Variants in GKAP1 observed in about 807,000 individuals in gnomAD.
GKAP1 encodes G kinase-anchoring protein 1.
A neutral mutation model predicts 56.7 loss-of-function variants in GKAP1; 31 were observed. That is an observed-to-expected ratio of 0.55 (90% CI 0.41 to 0.74). The LOEUF is 0.74. Among genes scored for constraint, GKAP1 ranks in the 30% least tolerant of loss-of-function variants. The probability of loss-of-function intolerance (pLI) is 0.00; values close to 1 mark genes in which losing one functional copy is unlikely to be tolerated. For missense variants in GKAP1, 364 were observed against 402.3 expected, an observed-to-expected ratio of 0.90 and a Z score of 0.82; for synonymous variants, 151 against 138.6, an observed-to-expected ratio of 1.09 and a Z score of -0.63.
At chr9:83,756,896 AT>A (rs972261853) in intron 8 of GKAP1, among the ~76,000 whole-genome samples, 1 of 152,186 alleles carries the variant, frequency 6.6e-6, no homozygotes, top group African/African-American at 2.4e-5. Flanking sequence ...ACAAAGTCAT[AT>A]TGTTTTAATG....
intron 7 of GKAP1, among the ~76,000 whole-genome samples, chr9:83,769,976 T>C (rs11140243): frequency 0.55 from 83,211 of 152,084 alleles, 23,688 homozygotes; most frequent in Admixed American, 0.69. Flanking sequence ...AACATCCCTT[T>C]TGTGTGCTTA....
intron 7 of GKAP1, among the ~76,000 whole-genome samples, chr9:83,774,698 C>G (rs13301582): frequency 1.4e-5 from 1 of 71,448 alleles, no homozygotes; most frequent in Non-Finnish European, 3.0e-5. Context: ...TAAACAGAAA[C>G]CCCCTTTTTT....
intron 2 of GKAP1, among the ~76,000 whole-genome samples, chr9:83,813,202 A>C (rs1478757421): frequency 2.0e-5 from 3 of 152,166 alleles, no homozygotes; most frequent in Non-Finnish European, 4.4e-5. Flanking sequence ...CTTCAAATAC[A>C]CTTGGTCTTT....
chr9:83,812,031 CTT>C (rs1246354564), intron 2 of GKAP1, among the ~76,000 whole-genome samples: 3 of 151,842 alleles, frequency 2.0e-5, no homozygotes, highest in Non-Finnish European at 2.9e-5. Context: ...GGGAATAAAA[CTT>C]AACATGAAAA....
intron 9 of GKAP1, among the ~76,000 whole-genome samples, chr9:83,752,419 A>AAAAC (rs1181336019): frequency 3.9e-5 from 6 of 152,084 alleles, no homozygotes; most frequent in African/African-American, 1.4e-4. Flanking sequence ...CTGTCTCACA[A>AAAAC]AAACAAACAA....
chr9:83,787,088 T>C (rs1426676504), intron 5 of GKAP1, among the ~76,000 whole-genome samples: 2 of 152,236 alleles, frequency 1.3e-5, no homozygotes, highest in East Asian at 1.9e-4. Flanking sequence ...TAAATGGGTA[T>C]GTAACAATAA....
At chr9:83,805,102 CTT>C in intron 3 of GKAP1, among the ~76,000 whole-genome samples, 1 of 152,192 alleles carries the variant, frequency 6.6e-6, no homozygotes, top group Admixed American at 6.5e-5. Context: ...ACATGGGAGA[CTT>C]TTCATTTTGT....
chr9:83,809,415 GA>G (rs1256625528), intron 2 of GKAP1, among the ~76,000 whole-genome samples: 1 of 152,210 alleles, frequency 6.6e-6, no homozygotes, highest in Non-Finnish European at 1.5e-5. Flanking sequence ...TGTCAACTAT[GA>G]AAAGGGAAGT....
chr9:83,773,281 T>C (rs1244116813), intron 7 of GKAP1, among the ~76,000 whole-genome samples: 1 of 152,142 alleles, frequency 6.6e-6, no homozygotes, highest in East Asian at 1.9e-4. Flanking sequence ...ACAAAGACTA[T>C]ACATTCTATG....
chr9:83,811,602 C>T (rs547878518), intron 2 of GKAP1, among the ~76,000 whole-genome samples: 16 of 152,252 alleles, frequency 1.1e-4, no homozygotes, highest in African/African-American at 3.6e-4. Context: ...TGTGCTATGT[C>T]ACATCAGCAA....
At chr9:83,744,025 T>A (rs371845903) in intron 10 of GKAP1, among the ~76,000 whole-genome samples, 12 of 152,246 alleles carry the variant, frequency 7.9e-5, no homozygotes, top group African/African-American at 2.9e-4. Context: ...TCTGCCAATG[T>A]AAGATTGTAG....
At chr9:83,757,361 T>C (rs1031239416) in intron 8 of GKAP1, among the ~76,000 whole-genome samples, 5 of 152,212 alleles carry the variant, frequency 3.3e-5, no homozygotes, top group African/African-American at 4.8e-5. Context: ...TCAAACTTAT[T>C]TGACAGTGAC....
intron 7 of GKAP1, among the ~76,000 whole-genome samples, chr9:83,777,446 A>C (rs546332521): frequency 2.6e-4 from 39 of 152,330 alleles, no homozygotes; most frequent in Non-Finnish European, 4.0e-4. Context: ...AAACTCCTGA[A>C]AAGGCATGAT....
intron 6 of GKAP1, among the ~76,000 whole-genome samples, chr9:83,781,137 C>G (rs1297208154): frequency 6.6e-6 from 1 of 152,022 alleles, no homozygotes; most frequent in African/African-American, 2.4e-5. Context: ...CCCAGGCGGG[C>G]GGATCACCTG....
rs529066730 is a variant in GKAP1 at position 83,797,146 on chromosome 9, T to C, written c.360+2039A>G. Among the ~76,000 whole-genome samples the C allele has an allele frequency of 2.0e-5, 3 of 152,334 alleles. No individual in the cohort carries two copies. In the East Asian group the frequency reaches 5.8e-4, roughly 29 times the overall value. On this transcript the variant is annotated intron_variant, in intron 4 of 12. Coordinates refer to ENST00000376371, the MANE Select transcript of GKAP1 (RefSeq NM_025211.4). The stretch of plus-strand genomic sequence containing the variant: ...GTTTAATTCTAGCTCTCAGATTGTA[T>C]GCTAAGGCTTAGTTGATGTAAATTT...
intron 3 of GKAP1, among the ~76,000 whole-genome samples, chr9:83,802,575 T>C (rs1317061661): frequency 6.6e-6 from 1 of 151,350 alleles, no homozygotes; most frequent in Non-Finnish European, 1.5e-5. Context: ...ACACCTGTAA[T>C]CTCAGCATTT....
Position 83,796,230 on chromosome 9 carries a change from C to T in GKAP1, c.360+2955G>A, listed in dbSNP as rs556520913. On this transcript the variant is annotated intron_variant, in intron 4 of 12. Transcript: ENST00000376371. ...TACAGGCATGAGCCACTGCACTCGG[C>T]CTATCAACATAATCTCTAATACCTG... Among the ~76,000 whole-genome samples the T allele has an allele frequency of 8.5e-5, 13 of 152,174 alleles. No individual in the cohort carries two copies. In the East Asian group the frequency reaches 1.9e-3, roughly 23 times the overall value.
chr9:83,764,077 GGGAAAATCATAATGAAAAA>G (rs1249804684), intron 8 of GKAP1, among the ~76,000 whole-genome samples: 2 of 151,930 alleles, frequency 1.3e-5, no homozygotes, highest in Non-Finnish European at 2.9e-5. Context: ...TACTACAAAG[GGGAAAATCATAATGAAAAA>G]GGAAAATCAT....
intron 7 of GKAP1, among the ~76,000 whole-genome samples, chr9:83,779,228 A>G (rs1404661427): frequency 6.6e-6 from 1 of 151,896 alleles, no homozygotes; most frequent in Non-Finnish European, 1.5e-5. Flanking sequence ...AATGATGACA[A>G]TGGTTTGCAA....
Sources: gnomAD v4.1 joint callset for allele counts (sites outside exome capture counted in the v4.1 genomes callset) on GRCh38, gnomAD v4.1.1 for gene constraint, MANE v1.5 for transcripts, NCBI Gene and HGNC (gene_info 2026-07-23, HGNC 2026-07-21) for gene names.